The following CD99L2 variants were observed in gnomAD, a reference collection of about 807,000 sequenced individuals.
CD99L2 encodes the protein CD99 molecule like 2.
In CD99L2, 24 loss-of-function variants were observed where a neutral mutation model predicts 27.3. The observed-to-expected ratio is 0.88, with a 90% CI of 0.64 to 1.24. The LOEUF (loss-of-function observed/expected upper bound fraction) is 1.24. Among genes scored for constraint, CD99L2 ranks in the 50% most tolerant of loss-of-function variants. CD99L2 has a pLI of 0.00. For missense variants in CD99L2, 255 were observed against 221.6 expected, an observed-to-expected ratio of 1.15 and a Z score of -0.96; for synonymous variants, 97 against 87.9, an observed-to-expected ratio of 1.10 and a Z score of -0.58.
intron 1 of CD99L2, among the ~76,000 whole-genome samples, chrX:150,849,066 C>T (rs1462575381): frequency 1.8e-5 from 2 of 111,452 alleles, no homozygotes; most frequent in East Asian, 5.6e-4. Context: ...TGTCCATGTG[C>T]GTCATACTGC....
chrX:150,789,932 T>C (rs1399872519), intron 7 of CD99L2, among the ~76,000 whole-genome samples: 2 of 112,127 alleles, frequency 1.8e-5, no homozygotes, highest in African/African-American at 6.5e-5. Context: ...CACTCCAGAC[T>C]GGAAGCAACC....
chrX:150,839,047 A>AAT (rs2046582265), intron 1 of CD99L2, among the ~76,000 whole-genome samples: 1 of 110,880 alleles, frequency 9.0e-6, no homozygotes, highest in South Asian at 3.8e-4. Flanking sequence ...AGAATGAACA[A>AAT]ATATATACCA....
At chrX:150,769,219 G>A (rs191816772) in intron 10 of CD99L2, 118 bp from the exon 11 acceptor site, 8 of 862,681 alleles carry the variant, frequency 9.3e-6, no homozygotes, top group East Asian at 3.8e-5. Flanking sequence ...CCCCTGGGGG[G>A]CCGCTTAGCA....
At chrX:150,839,547 A>G (rs1184300833) in intron 1 of CD99L2, among the ~76,000 whole-genome samples, 1 of 111,715 alleles carries the variant, frequency 9.0e-6, no homozygotes, top group Non-Finnish European at 1.9e-5. Flanking sequence ...CCTTGTTTTT[A>G]GAAACTGCAT....
chrX:150,821,126 C>T (rs2046237243), intron 2 of CD99L2, among the ~76,000 whole-genome samples: 1 of 111,682 alleles, frequency 9.0e-6, no homozygotes, highest in Non-Finnish European at 1.9e-5. Flanking sequence ...CAATCCCCAT[C>T]AAAATACCAA....
chrX:150,860,283 G>T (rs868994392), intron 1 of CD99L2, among the ~76,000 whole-genome samples: 28 of 87,269 alleles, frequency 3.2e-4, no homozygotes, highest in African/African-American at 1.2e-3. Flanking sequence ...CCCTTCATGG[G>T]TAAAAACTCA....
chrX:150,776,089 G>A (rs2043547131), intron 9 of CD99L2, 85 bp downstream of exon 9: 10 of 1,107,775 alleles, frequency 9.0e-6, no homozygotes, highest in Admixed American at 2.6e-5. Flanking sequence ...GGCAGGCTGT[G>A]GAGGGATCTG....
intron 2 of CD99L2, among the ~76,000 whole-genome samples, chrX:150,826,818 C>T (rs1343642000): frequency 9.0e-6 from 1 of 111,617 alleles, no homozygotes; most frequent in African/African-American, 3.3e-5. Flanking sequence ...GTAAGCCTGG[C>T]TCTTCTCTGC....
intron 6 of CD99L2, 128 bp downstream of exon 6, chrX:150,795,077 AG>A (rs782568655): frequency 1.4e-6 from 1 of 705,390 alleles, no homozygotes; most frequent in Non-Finnish European, 2.2e-6. Flanking sequence ...AGACCAAAAA[AG>A]TTTGAGTACC....
At position 150,895,395 on chromosome X, in the gene CD99L2, G is replaced by A. The variant is rs1196507034; in HGVS notation, c.67+3127C>T. On this transcript the variant is annotated intron_variant, in intron 1 of 10. Coordinates refer to ENST00000370377, the MANE Select transcript of CD99L2 (RefSeq NM_031462.4). Reference sequence around the variant, plus strand: ...TTAGAACAAAGATAACTTGTTAACCGCCCTTTAAACTCCTGGGAGCCTAAA... The same window carrying A: ...TTAGAACAAAGATAACTTGTTAACCACCCTTTAAACTCCTGGGAGCCTAAA... Among the ~76,000 whole-genome samples, 7 of 111,640 alleles carry A rather than the reference G, an allele frequency of 6.3e-5. No homozygotes were observed. The East Asian group carries it at 8.5e-4, about 13-fold the overall frequency.
intron 1 of CD99L2, among the ~76,000 whole-genome samples, chrX:150,865,206 G>C (rs1239880025): frequency 9.0e-6 from 1 of 111,412 alleles, no homozygotes; most frequent in Admixed American, 9.6e-5. Flanking sequence ...TGTAATACAA[G>C]CCAAAGTAAG....
intron 2 of CD99L2, chrX:150,816,297 G>A: frequency 2.5e-6 from 1 of 402,967 alleles, no homozygotes; most frequent in Non-Finnish European, 4.4e-6. Context: ...GGAGGCTGAG[G>A]GTGGTGAGGT....
rs1217412850 is a variant in CD99L2 at position 150,880,485 on chromosome X, C to A, written c.67+18037G>T. Among the ~76,000 whole-genome samples the A allele has an allele frequency of 1.8e-5, 2 of 111,889 alleles. 1 individual carries two copies. Among genetic ancestry groups the A allele is most frequent in the South Asian group, 7.5e-4 (2 of 2,670 alleles). On this transcript the variant is annotated intron_variant, in intron 1 of 10. Coordinates refer to ENST00000370377, the MANE Select transcript of CD99L2 (RefSeq NM_031462.4). ...TTATATCATTCCATTTATATGAATGCCCAGAATAGGGAAATCCATAGAGGC... is the reference window on the plus strand; with the variant it reads ...TTATATCATTCCATTTATATGAATGACCAGAATAGGGAAATCCATAGAGGC...
rs782695676 is a variant in CD99L2, at chrX:150,813,678, T to C, written c.277+1184A>G. 3.6e-5 allele frequency among the ~76,000 whole-genome samples: 4 copies of C among 112,267 alleles called. No individual in the cohort carries two copies. The East Asian group carries it at 1.1e-3, about 31-fold the overall frequency. The stretch of plus-strand genomic sequence containing the variant: ...AAACAGGAAGTACATTTCAAGCATT[T>C]ATGTGGCACATGGAAATACAAAAGT... On this transcript the variant is annotated intron_variant, in intron 4 of 10. Coordinates refer to ENST00000370377, the MANE Select transcript of CD99L2 (RefSeq NM_031462.4).
chrX:150,790,098 C>T (rs1039206432), intron 7 of CD99L2, among the ~76,000 whole-genome samples: 3 of 110,578 alleles, frequency 2.7e-5, no homozygotes, highest in Non-Finnish European at 3.8e-5. Flanking sequence ...TCTGAAAAGC[C>T]TATATACTGT....
At chrX:150,806,108 A>G (rs1301854981) in intron 4 of CD99L2, among the ~76,000 whole-genome samples, 3 of 112,380 alleles carry the variant, frequency 2.7e-5, no homozygotes, top group Non-Finnish European at 5.6e-5. Context: ...CTTGGTTGTG[A>G]TCTTATACTA....
chrX:150,874,577 C>T (rs1161989121), intron 1 of CD99L2, among the ~76,000 whole-genome samples: 4 of 78,840 alleles, frequency 5.1e-5, no homozygotes, highest in Admixed American at 4.4e-4. Flanking sequence ...GGGGCGGGGG[C>T]GGGGGAAGTA....
intron 7 of CD99L2, among the ~76,000 whole-genome samples, chrX:150,778,680 AAAAAAAT>A (rs1175613934): frequency 4.0e-4 from 9 of 22,743 alleles, no homozygotes; most frequent in South Asian, 6.0e-3. Flanking sequence ...TAATAAAAAA[AAAAAAAT>A]ATATATATAT....
At chrX:150,802,134 A>G (rs1557420100) in intron 4 of CD99L2, among the ~76,000 whole-genome samples, 7 of 112,268 alleles carry the variant, frequency 6.2e-5, no homozygotes, top group Non-Finnish European at 1.3e-4. Flanking sequence ...GTACATAGAA[A>G]ATTCCAAGAA....
Sources: gnomAD v4.1 joint callset for allele counts (sites outside exome capture counted in the v4.1 genomes callset) on GRCh38, gnomAD v4.1.1 for gene constraint, MANE v1.5 for transcripts, NCBI Gene and HGNC (gene_info 2026-07-23, HGNC 2026-07-21) for gene names.